Variants in EYA4 observed in about 807,000 individuals in gnomAD.
The protein encoded by EYA4 is EYA transcriptional coactivator and phosphatase 4, also known as protein phosphatase EYA4.
In EYA4, 31 loss-of-function variants were observed where a neutral mutation model predicts 87.9. The ratio of observed to expected loss-of-function variants is 0.35; its 90% CI spans 0.27 to 0.48. The LOEUF (loss-of-function observed/expected upper bound fraction) is 0.48. Among genes scored for constraint, EYA4 ranks in the 20% least tolerant of loss-of-function variants. The pLI, the probability that EYA4 is intolerant of heterozygous loss-of-function variation, is 0.99. For missense variants in EYA4, 678 were observed against 761.4 expected (o/e 0.89, Z 1.29); for synonymous variants, 263 against 270.6 (o/e 0.97, Z 0.28).
At chr6:133,379,043 G>T (rs182254065) in intron 2 of EYA4, among the ~76,000 whole-genome samples, 1 of 151,352 alleles carries the variant, frequency 6.6e-6, no homozygotes, top group Admixed American at 6.6e-5. Flanking sequence ...ACTAGGATTT[G>T]AATTTAACTT....
chr6:133,459,165 A>T (rs1794160135), intron 6 of EYA4, among the ~76,000 whole-genome samples: 1 of 152,176 alleles, frequency 6.6e-6, no homozygotes, highest in African/African-American at 2.4e-5. Context: ...AAAGAAGCAT[A>T]AACTTTCCTA....
At chr6:133,309,697 A>G (rs981456338) in intron 2 of EYA4, among the ~76,000 whole-genome samples, 4 of 152,182 alleles carry the variant, frequency 2.6e-5, no homozygotes, top group African/African-American at 9.7e-5. Context: ...CTTATTTGAA[A>G]CCAGATCTCT....
chr6:133,274,087 A>C (rs1776964886), intron 1 of EYA4, among the ~76,000 whole-genome samples: 1 of 152,146 alleles, frequency 6.6e-6, no homozygotes, highest in South Asian at 2.1e-4. Context: ...AAAATATTTT[A>C]ATGTATGGTA....
intron 2 of EYA4, among the ~76,000 whole-genome samples, chr6:133,329,936 A>T (rs749219961): frequency 2.0e-5 from 3 of 152,112 alleles, no homozygotes; most frequent in Non-Finnish European, 2.9e-5. Context: ...CAGAAAAGGA[A>T]CTCAGATTGC....
rs535085215 is a variant in EYA4, at chr6:133,393,070, C to G, written c.83+10629C>G. 2.0e-5 allele frequency among the ~76,000 whole-genome samples: 3 copies of G among 152,298 alleles called. No homozygotes were observed. In the East Asian group the frequency reaches 5.8e-4, roughly 29 times the overall value. ...GAATGTTGTCGATTGAGGGCAACAACCATCTCTGAGTATTCTCCAAGATTG... is the reference window on the plus strand; with the variant it reads ...GAATGTTGTCGATTGAGGGCAACAAGCATCTCTGAGTATTCTCCAAGATTG... On this transcript the variant is annotated intron_variant, in intron 3 of 19. Transcript: ENST00000355286.
chr6:133,497,228 G>A (rs779071408), intron 13 of EYA4, among the ~76,000 whole-genome samples: 7 of 152,034 alleles, frequency 4.6e-5, no homozygotes, highest in African/African-American at 1.2e-4. Context: ...CTTTGGTCTC[G>A]TGTTCTTTCC....
chr6:133,463,883 A>G (rs968130274), intron 9 of EYA4, among the ~76,000 whole-genome samples: 7 of 152,142 alleles, frequency 4.6e-5, no homozygotes, highest in Non-Finnish European at 8.8e-5. Flanking sequence ...TTTACCTAGA[A>G]TGTAGGTTGA....
chr6:133,273,271 G>A (rs1776887559), intron 1 of EYA4, among the ~76,000 whole-genome samples: 1 of 152,030 alleles, frequency 6.6e-6, no homozygotes, highest in African/African-American at 2.4e-5. Flanking sequence ...ACGGGAGAAA[G>A]ATGTAGGCTG....
intron 13 of EYA4, among the ~76,000 whole-genome samples, chr6:133,492,672 A>G (rs1395944464): frequency 2.0e-5 from 3 of 152,178 alleles, no homozygotes; most frequent in Admixed American, 1.3e-4. Flanking sequence ...AATTAGCCTT[A>G]TTTGTAGATG....
chr6:133,470,567 A>G lies in EYA4; in HGVS notation c.970+1836A>G, dbSNP rs71576315. On this transcript the variant is annotated intron_variant, in intron 11 of 19. Coordinates refer to ENST00000355286, the MANE Select transcript of EYA4 (RefSeq NM_004100.5). Reference sequence around the variant, plus strand: ...TCTTTTGGCTTAGGAGTGACTTGGCAATGCGGGCTCTTTTTTGGTTCCATA... The same window carrying G: ...TCTTTTGGCTTAGGAGTGACTTGGCGATGCGGGCTCTTTTTTGGTTCCATA... Among the ~76,000 whole-genome samples the G allele has an allele frequency of 7.4e-3, 309 of 41,750 alleles. 78 individuals are homozygous for G. The highest frequency in any genetic ancestry group is 0.016 in the Admixed American group (63 of 4,014). 27.4% of individuals were successfully genotyped at this position (41,750 alleles called of 152,430 possible). A position where few individuals can be genotyped will look rare whatever the true frequency, so the allele number is the denominator to read the frequency against.
rs116822943 is a variant in EYA4 at position 133,324,375 on chromosome 6, A to G, written c.33+49562A>G. 1.7e-3 allele frequency among the ~76,000 whole-genome samples: 261 copies of G among 152,278 alleles called. 2 individuals carry two copies. Among genetic ancestry groups the G allele is most frequent in the African/African-American group, 6.1e-3 (254 of 41,572 alleles). On this transcript the variant is annotated intron_variant, in intron 2 of 19. Transcript: ENST00000355286. ...TGGAAGAAATTTAGAATCTTGGAAG[A>G]TCTTAAACTTCTGGTTTTGTTGGTT...
At chr6:133,255,306 A>G (rs561355) in intron 1 of EYA4, among the ~76,000 whole-genome samples, 22,664 of 152,146 alleles carry the variant, frequency 0.15, 1,959 homozygotes, top group East Asian at 0.21. Flanking sequence ...ATATTAAAAC[A>G]GAGATGATAG....
At chr6:133,266,508 C>T (rs975110265) in intron 1 of EYA4, among the ~76,000 whole-genome samples, 5 of 152,026 alleles carry the variant, frequency 3.3e-5, no homozygotes, top group African/African-American at 1.2e-4. Context: ...TTATAGGAGT[C>T]CTAGGAAACT....
At chr6:133,496,670 G>A in intron 13 of EYA4, among the ~76,000 whole-genome samples, 1 of 152,092 alleles carries the variant, frequency 6.6e-6, no homozygotes, top group East Asian at 1.9e-4. Flanking sequence ...TGTTTCATCT[G>A]AAAATGGTTA....
chr6:133,477,136 C>A (rs941677572), intron 11 of EYA4, among the ~76,000 whole-genome samples: 1 of 152,086 alleles, frequency 6.6e-6, no homozygotes, highest in Non-Finnish European at 1.5e-5. Context: ...TCAACTGAGT[C>A]AGCTAAACCT....
At chr6:133,399,500 G>A (rs3777820) in intron 3 of EYA4, among the ~76,000 whole-genome samples, 14,401 of 152,094 alleles carry the variant, frequency 0.095, 1,932 homozygotes, top group African/African-American at 0.3. Context: ...AAAATACAAT[G>A]AGGCTACTTA....
intron 13 of EYA4, among the ~76,000 whole-genome samples, chr6:133,496,316 A>T (rs979253064): frequency 6.6e-6 from 1 of 152,188 alleles, no homozygotes; most frequent in African/African-American, 2.4e-5. Context: ...CACAATATGC[A>T]TGTTAGAGTG....
chr6:133,522,829 C>T (rs779319310), intron 17 of EYA4, among the ~76,000 whole-genome samples: 11 of 151,906 alleles, frequency 7.2e-5, no homozygotes, highest in Non-Finnish European at 1.0e-4. Flanking sequence ...ATTGTTTTGA[C>T]GAAATATTTT....
intron 2 of EYA4, among the ~76,000 whole-genome samples, chr6:133,334,648 A>G (rs977599781): frequency 2.6e-5 from 4 of 152,300 alleles, no homozygotes; most frequent in South Asian, 2.1e-4. Context: ...GCATTTGCCA[A>G]TCTACCTATT....
Sources: allele counts gnomAD v4.1 joint callset (sites outside exome capture counted in the v4.1 genomes callset), GRCh38; gene constraint gnomAD v4.1.1; transcripts MANE v1.5; gene names NCBI Gene and HGNC (gene_info 2026-07-23, HGNC 2026-07-21).